SASH1: variants seen among roughly 807,000 people sequenced by gnomAD.
SASH1 encodes the protein SAM and SH3 domain-containing protein 1.
In SASH1, 44 loss-of-function variants were observed where a neutral mutation model predicts 125.2. That is an observed-to-expected ratio of 0.35 (90% CI 0.28 to 0.45). The LOEUF (loss-of-function observed/expected upper bound fraction) is 0.45. SASH1 is among the 20% of genes least tolerant of loss of function. SASH1 has a pLI of 1.00. For missense variants in SASH1, 1,426 were observed against 1,614.5 expected (o/e 0.88, Z 2.00); for synonymous variants, 639 against 649.1 (o/e 0.98, Z 0.24).
chr6:148,395,206 A>G (rs1783899952), intron 2 of SASH1, among the ~76,000 whole-genome samples: 1 of 152,180 alleles, frequency 6.6e-6, no homozygotes, highest in South Asian at 2.1e-4. Flanking sequence ...TTCTGGGTGA[A>G]TTTTGGAGAT....
At chr6:148,524,121 A>ATATATATTTTTTT (rs1193506716) in intron 10 of SASH1, among the ~76,000 whole-genome samples, 23 of 128,602 alleles carry the variant, frequency 1.8e-4, no homozygotes, top group Non-Finnish European at 3.1e-4. Context: ...ATATATATAT[A>ATATATATTTTTTT]TTTTTTTTAA....
chr6:148,499,063 T>TTTTG (rs1554264911), intron 8 of SASH1, among the ~76,000 whole-genome samples: 4 of 150,328 alleles, frequency 2.7e-5, no homozygotes, highest in Non-Finnish European at 4.4e-5. Context: ...TTTTGTTTTT[T>TTTTG]TTTTTTTTTT....
rs775391180 is a variant in SASH1 at position 148,544,132 on chromosome 6, G to A, written c.2662G>A (p.Val888Ile). The change falls in exon 18 of 20, where the codon GTC becomes ATC. Residue 888 changes from valine (V) to isoleucine (I), a missense_variant. This residue lies in a region of SASH1 where 634 missense variants were observed against 694.4 expected (regional missense o/e 0.91). Transcript: ENST00000367467. The surrounding 1 kb of genome is among the most constrained non-coding windows in gnomAD (Gnocchi z 6.4). ...CCAGCCCCTGGAGCAAGACTCTGCT[G>A]TCGACAATGCATTGCTACTGACCCA... ...KAQPLEQDSA[V>I]DNALLLTQSK... is the part of the protein sequence containing the mutation. 4.3e-6 allele frequency: 7 copies of A among 1,614,088 alleles called. No homozygotes were observed. Among genetic ancestry groups the A allele is most frequent in the East Asian group, 2.2e-5 (1 of 44,870 alleles).
chr6:148,532,091 T>C lies in SASH1; in HGVS notation c.1564+430T>C, dbSNP rs1291145244. Among the ~76,000 whole-genome samples the C allele has an allele frequency of 6.6e-6, 1 of 152,208 alleles. No homozygotes were observed. The highest frequency in any genetic ancestry group is 1.5e-5 in the Non-Finnish European group (1 of 68,040). On this transcript the variant is annotated intron_variant, in intron 13 of 19. Transcript: ENST00000367467. This position sits in a 1 kb window ranked among gnomAD's most constrained non-coding sequence, Gnocchi z 4.7. Reference sequence around the variant, plus strand: ...ATCAACTTTATTTTATTTTTATTTTTATTTTTGAGATGGAGTCTCACTGTC... The same window carrying C: ...ATCAACTTTATTTTATTTTTATTTTCATTTTTGAGATGGAGTCTCACTGTC...
chr6:148,217,053 A>T, the SASH1 span, among the ~76,000 whole-genome samples: 4 of 152,110 alleles, frequency 2.6e-5, no homozygotes, highest in African/African-American at 9.7e-5. Context: ...TATCAGGAAG[A>T]TAGTAATAGC....
chr6:148,478,281 C>T lies in SASH1; in HGVS notation c.627+4059C>T, dbSNP rs146386443. ...CAAGACTTGGAAGCAACCTAAGTGT[C>T]CATCAACAGATGAATGGATAAAGAA... On this transcript the variant is annotated intron_variant, in intron 7 of 19. Transcript: ENST00000367467. Among the ~76,000 whole-genome samples, 141 of 152,258 alleles carry T rather than the reference C, an allele frequency of 9.3e-4. 3 individuals carry two copies. In the East Asian group the frequency reaches 0.022, roughly 24 times the overall value.
the SASH1 span, among the ~76,000 whole-genome samples, chr6:148,250,260 C>T: frequency 6.6e-6 from 1 of 152,138 alleles, no homozygotes; most frequent in Non-Finnish European, 1.5e-5. Flanking sequence ...AACACGGAAG[C>T]ATTCATCTTT....
chr6:148,198,675 A>G, the SASH1 span, among the ~76,000 whole-genome samples: 1 of 152,210 alleles, frequency 6.6e-6, no homozygotes, highest in African/African-American at 2.4e-5. Flanking sequence ...TTCAGGAGAA[A>G]TTTTGAATCA....
chr6:148,243,588 A>G, the SASH1 span, among the ~76,000 whole-genome samples: 1 of 147,730 alleles, frequency 6.8e-6, no homozygotes, highest in East Asian at 2.0e-4. Context: ...GGTTGCAGAG[A>G]GCCAAGATCA....
intron 6 of SASH1, among the ~76,000 whole-genome samples, chr6:148,473,549 C>T (rs928638897): frequency 5.9e-5 from 9 of 152,160 alleles, no homozygotes; most frequent in African/African-American, 1.4e-4. Context: ...CCACTGTGCC[C>T]GGTGCACTTA....
the SASH1 span, among the ~76,000 whole-genome samples, chr6:148,257,027 A>G: frequency 6.6e-6 from 1 of 152,162 alleles, no homozygotes; most frequent in Non-Finnish European, 1.5e-5. Context: ...AAGCCATTAA[A>G]TTTTACACTT....
At chr6:148,488,437 A>G (rs1583241897) in intron 8 of SASH1, among the ~76,000 whole-genome samples, 1 of 152,360 alleles carries the variant, frequency 6.6e-6, no homozygotes, top group East Asian at 1.9e-4. Context: ...ATTATGAACA[A>G]TGCTGCTCTG....
intron 1 of SASH1, among the ~76,000 whole-genome samples, chr6:148,337,373 G>A (rs748347755): frequency 5.9e-5 from 9 of 152,002 alleles, no homozygotes; most frequent in African/African-American, 1.7e-4. Flanking sequence ...ACAGGCGCCC[G>A]CCACCACGCC....
At chr6:148,452,881 G>A (rs952558473) in intron 4 of SASH1, among the ~76,000 whole-genome samples, 1 of 152,346 alleles carries the variant, frequency 6.6e-6, no homozygotes, top group East Asian at 1.9e-4. Flanking sequence ...TGCAATGGGG[G>A]CGACTAGGAA....
chr6:148,505,377 G>A (rs777462035), intron 8 of SASH1, among the ~76,000 whole-genome samples: 102 of 152,314 alleles, frequency 6.7e-4, no homozygotes, highest in Non-Finnish European at 9.6e-4. Context: ...GCAGTGGCAC[G>A]ATTTCGGCTC....
the SASH1 span, among the ~76,000 whole-genome samples, chr6:148,253,434 A>G: frequency 6.6e-6 from 1 of 152,262 alleles, no homozygotes; most frequent in Admixed American, 6.5e-5. Context: ...AGACCTAAAT[A>G]TAAGAAAACT....
intron 2 of SASH1, among the ~76,000 whole-genome samples, chr6:148,438,745 AACC>A (rs1776409804): frequency 8.3e-6 from 1 of 120,008 alleles, no homozygotes; most frequent in African/African-American, 3.2e-5. Flanking sequence ...AAAAAAAAAA[AACC>A]AAAACAAACA....
At chr6:148,337,778 CAATA>C (rs1781203745) in intron 1 of SASH1, among the ~76,000 whole-genome samples, 1 of 152,172 alleles carries the variant, frequency 6.6e-6, no homozygotes, top group Admixed American at 6.5e-5. Context: ...GACTAATTTC[CAATA>C]AATAACAGAG....
At chr6:148,223,945 C>T in the SASH1 span, among the ~76,000 whole-genome samples, 1 of 152,154 alleles carries the variant, frequency 6.6e-6, no homozygotes, top group Non-Finnish European at 1.5e-5. Flanking sequence ...TCTAAAATAT[C>T]ACTTTACCAG....
Sources: gnomAD v4.1 joint callset for allele counts (sites outside exome capture counted in the v4.1 genomes callset) on GRCh38, gnomAD v4.1.1 for gene constraint, gnomAD v4.1.1 regional missense constraint, Gnocchi (gnomAD v3.1) non-coding constraint, MANE v1.5 for transcripts, NCBI Gene and HGNC (gene_info 2026-07-23, HGNC 2026-07-21) for gene names.